The following GABRG3 variants were observed in gnomAD, a reference collection of about 807,000 sequenced individuals.
The protein encoded by GABRG3 is gamma-aminobutyric acid receptor subunit gamma-3.
Under a neutral mutation model 48.8 loss-of-function variants are expected in GABRG3, and 25 were observed. The ratio of observed to expected loss-of-function variants is 0.51; its 90% CI spans 0.37 to 0.72. The LOEUF is 0.72. Among genes scored for constraint, GABRG3 ranks in the 30% least tolerant of loss-of-function variants. The probability of loss-of-function intolerance (pLI) is 0.00; values close to 1 mark genes in which losing one functional copy is unlikely to be tolerated. For synonymous variants in GABRG3, 227 were observed against 217.6 expected, an observed-to-expected ratio of 1.04 and a Z score of -0.38; for missense variants, 394 against 577.9, an observed-to-expected ratio of 0.68 and a Z score of 3.26.
At chr15:27,432,490 A>G (rs1888486102) in intron 5 of GABRG3, among the ~76,000 whole-genome samples, 1 of 152,100 alleles carries the variant, frequency 6.6e-6, no homozygotes, top group Non-Finnish European at 1.5e-5. Flanking sequence ...GCATTCTTTC[A>G]TTAGCTGAGA....
intron 6 of GABRG3, among the ~76,000 whole-genome samples, chr15:27,490,509 C>T (rs1478628721): frequency 6.6e-6 from 1 of 152,162 alleles, no homozygotes; most frequent in Non-Finnish European, 1.5e-5. Context: ...GAAATGCAGG[C>T]CTGTTTCCTG....
At chr15:27,210,234 A>G (rs1331290061) in intron 3 of GABRG3, among the ~76,000 whole-genome samples, 1 of 152,168 alleles carries the variant, frequency 6.6e-6, no homozygotes, top group Non-Finnish European at 1.5e-5. Flanking sequence ...CCTCCTCAGC[A>G]CCAAGAACAC....
chr15:27,245,099 A>G (rs956356016), intron 3 of GABRG3, among the ~76,000 whole-genome samples: 2 of 152,088 alleles, frequency 1.3e-5, no homozygotes, highest in Non-Finnish European at 2.9e-5. Flanking sequence ...ACAGGGATGC[A>G]TTGCTTTGAC....
chr15:27,245,217 A>G (rs1285911544), intron 3 of GABRG3, among the ~76,000 whole-genome samples: 2 of 152,194 alleles, frequency 1.3e-5, no homozygotes, highest in Non-Finnish European at 2.9e-5. Context: ...CTGGGCAGGT[A>G]GCAGGTGCCA....
At chr15:27,446,618 T>A (rs1888953629) in intron 5 of GABRG3, among the ~76,000 whole-genome samples, 1 of 152,218 alleles carries the variant, frequency 6.6e-6, no homozygotes, top group Non-Finnish European at 1.5e-5. Context: ...TAATTAATCT[T>A]ATGTATTTTA....
intron 3 of GABRG3, among the ~76,000 whole-genome samples, chr15:27,275,983 G>T (rs1250047932): frequency 6.6e-6 from 1 of 152,214 alleles, no homozygotes; most frequent in African/African-American, 2.4e-5. Context: ...CTGCACATCA[G>T]TCTCTGCATC....
chr15:27,084,452 A>C (rs975573110), intron 3 of GABRG3, among the ~76,000 whole-genome samples: 9 of 152,184 alleles, frequency 5.9e-5, no homozygotes, highest in Non-Finnish European at 1.3e-4. Flanking sequence ...TATGATGGAG[A>C]TTGCCTCAGT....
At chr15:27,496,529 G>A (rs1890491523) in intron 6 of GABRG3, among the ~76,000 whole-genome samples, 2 of 152,106 alleles carry the variant, frequency 1.3e-5, no homozygotes, top group East Asian at 3.9e-4. Context: ...GACAACCCAG[G>A]GAAATAATCT....
chr15:27,254,259 A>G (rs1890545585), intron 3 of GABRG3, among the ~76,000 whole-genome samples: 1 of 152,122 alleles, frequency 6.6e-6, no homozygotes. Flanking sequence ...CCAGGCTGCG[A>G]GGTTTCCAGA....
rs1301079002 is a variant in GABRG3 at position 27,088,082 on chromosome 15, TGA to T, written c.270+61263_270+61264del. Among the ~76,000 whole-genome samples, 58 of 149,728 alleles carry T rather than the reference TGA, an allele frequency of 3.9e-4. No individual in the cohort carries two copies. The East Asian group carries it at 6.1e-3, about 16-fold the overall frequency. On this transcript the variant is annotated intron_variant, in intron 3 of 9. Coordinates refer to ENST00000615808, the MANE Select transcript of GABRG3 (RefSeq NM_033223.5). Reference sequence around the variant, plus strand: ...TGTGTGGTGTGCTGCAGTGTGTGTGTGAGTGTGTGTGATGTGCCGTGGTTGTG... The same window carrying T: ...TGTGTGGTGTGCTGCAGTGTGTGTGTGTGTGTGTGATGTGCCGTGGTTGTG...
intron 3 of GABRG3, among the ~76,000 whole-genome samples, chr15:27,223,116 A>G (rs750897065): frequency 3.9e-5 from 6 of 152,256 alleles, no homozygotes; most frequent in Non-Finnish European, 8.8e-5. Context: ...TGCAACATCC[A>G]TTTGTATCTT....
chr15:27,295,553 T>TA (rs143483168), intron 3 of GABRG3, among the ~76,000 whole-genome samples: 4 of 151,986 alleles, frequency 2.6e-5, no homozygotes, highest in East Asian at 1.9e-4. Flanking sequence ...ATTCAAGTGA[T>TA]AAAAAAAATT....
chr15:26,978,327 T>C (rs1894989877), intron 2 of GABRG3, among the ~76,000 whole-genome samples: 1 of 152,200 alleles, frequency 6.6e-6, no homozygotes, highest in Admixed American at 6.5e-5. Context: ...GTTTCTAATA[T>C]TGATGAAATC....
At chr15:27,292,529 T>C (rs1891829787) in intron 3 of GABRG3, among the ~76,000 whole-genome samples, 1 of 152,208 alleles carries the variant, frequency 6.6e-6, no homozygotes, top group Non-Finnish European at 1.5e-5. Context: ...TTTAATTATG[T>C]ATAACCACAT....
At chr15:27,238,588 A>G (rs1890045342) in intron 3 of GABRG3, among the ~76,000 whole-genome samples, 1 of 152,214 alleles carries the variant, frequency 6.6e-6, no homozygotes, top group Admixed American at 6.5e-5. Context: ...ACAGCCCCCA[A>G]ATTTCTATAC....
At chr15:27,418,593 T>A (rs545525704) in intron 5 of GABRG3, among the ~76,000 whole-genome samples, 1 of 152,314 alleles carries the variant, frequency 6.6e-6, no homozygotes, top group East Asian at 1.9e-4. Flanking sequence ...CCCCCACCGG[T>A]GAGGCTTTTG....
chr15:27,245,606 G>A (rs189893044), intron 3 of GABRG3, among the ~76,000 whole-genome samples: 5 of 152,270 alleles, frequency 3.3e-5, no homozygotes, highest in Admixed American at 2.6e-4. Context: ...GGGCATGGTG[G>A]CTCACACCTG....
chr15:27,351,896 GTGTA>G (rs996751532), intron 5 of GABRG3, among the ~76,000 whole-genome samples: 4 of 145,422 alleles, frequency 2.8e-5, no homozygotes, highest in African/African-American at 7.7e-5. Context: ...TGTGTGTATG[GTGTA>G]TGTATGTATA....
At chr15:27,061,195 G>T (rs1291545850) in intron 3 of GABRG3, among the ~76,000 whole-genome samples, 1 of 152,228 alleles carries the variant, frequency 6.6e-6, no homozygotes, top group Non-Finnish European at 1.5e-5. Flanking sequence ...AATTGGTTGA[G>T]AGTTTATTGT....
Sources: allele counts gnomAD v4.1 joint callset (sites outside exome capture counted in the v4.1 genomes callset), GRCh38; gene constraint gnomAD v4.1.1; transcripts MANE v1.5; gene names NCBI Gene and HGNC (gene_info 2026-07-23, HGNC 2026-07-21).